The following SLIT3 variants were observed in gnomAD, a reference collection of about 807,000 sequenced individuals.
The protein encoded by SLIT3 is slit guidance ligand 3.
Under a neutral mutation model 184.0 loss-of-function variants are expected in SLIT3, and 68 were observed. The observed-to-expected ratio is 0.37, with a 90% CI of 0.30 to 0.45. The LOEUF (loss-of-function observed/expected upper bound fraction) is 0.45, where lower values mean the gene tolerates loss of function less well. Among genes scored for constraint, SLIT3 ranks in the 20% least tolerant of loss-of-function variants. The probability of loss-of-function intolerance (pLI) is 1.00; values close to 1 mark genes in which losing one functional copy is unlikely to be tolerated. For missense variants in SLIT3, 1,707 were observed against 2,026.0 expected, an observed-to-expected ratio of 0.84 and a Z score of 3.02; for synonymous variants, 831 against 828.6, an observed-to-expected ratio of 1.00 and a Z score of -0.05.
At chr5:169,224,629 A>T (rs926385076) in intron 3 of SLIT3, among the ~76,000 whole-genome samples, 1 of 152,070 alleles carries the variant, frequency 6.6e-6, no homozygotes, top group Non-Finnish European at 1.5e-5. Context: ...CAGCCTCCCA[A>T]AGTGTTGGGA....
chr5:168,685,573 G>A, intron 31 of SLIT3, 114 bp downstream of exon 31: 1 of 1,350,110 alleles, frequency 7.4e-7, no homozygotes, highest in South Asian at 1.5e-5. Flanking sequence ...CAAGCTGAGT[G>A]TTGTCCCTGA....
chr5:168,779,365 A>G (rs1456743974), intron 12 of SLIT3, among the ~76,000 whole-genome samples: 1 of 152,218 alleles, frequency 6.6e-6, no homozygotes, highest in Non-Finnish European at 1.5e-5. Context: ...GGGTGATTTT[A>G]CAATAAGGCA....
chr5:168,798,237 T>TTTC lies in SLIT3; in HGVS notation c.936-2660_936-2659insGAA, dbSNP rs1377627624. Reference sequence around the variant, plus strand: ...TTCTTCTTCTTCTTTTTTTTTTTTTTTTAAGAGACAGAGTCTTGCTCTGTC... The same window carrying TTTC: ...TTCTTCTTCTTCTTTTTTTTTTTTTTTTCTTAAGAGACAGAGTCTTGCTCTGTC... On this transcript the variant is annotated intron_variant, in intron 9 of 35. Transcript: ENST00000519560. 1.2e-4 allele frequency among the ~76,000 whole-genome samples: 18 copies of TTTC among 147,516 alleles called. No individual in the cohort carries two copies. The East Asian group carries it at 2.8e-3, about 23-fold the overall frequency.
intron 5 of SLIT3, among the ~76,000 whole-genome samples, chr5:168,851,939 A>G (rs1286322386): frequency 6.6e-6 from 1 of 152,182 alleles, no homozygotes; most frequent in Non-Finnish European, 1.5e-5. Flanking sequence ...CTCTTTGCAA[A>G]CAAGCCCATG....
chr5:168,994,974 T>C (rs955958801), intron 4 of SLIT3, among the ~76,000 whole-genome samples: 4 of 152,172 alleles, frequency 2.6e-5, no homozygotes, highest in Admixed American at 6.5e-5. Context: ...TTGTCTCCTA[T>C]AATGCTTACA....
intron 4 of SLIT3, among the ~76,000 whole-genome samples, chr5:168,936,548 G>A (rs910427548): frequency 2.0e-5 from 3 of 152,144 alleles, no homozygotes; most frequent in African/African-American, 7.2e-5. Flanking sequence ...TCCTCTTAGA[G>A]CAAGCGGCCA....
intron 10 of SLIT3, among the ~76,000 whole-genome samples, chr5:168,793,589 G>A (rs1340205753): frequency 6.6e-6 from 1 of 152,184 alleles, no homozygotes; most frequent in East Asian, 1.9e-4. Flanking sequence ...AAGGTCTTAT[G>A]AATTTTGAAT....
At chr5:168,795,423 C>T in intron 10 of SLIT3, 84 bp downstream of exon 10, 1 of 999,120 alleles carries the variant, frequency 1.0e-6, no homozygotes, top group East Asian at 2.4e-5. Flanking sequence ...TGGTCCGTCA[C>T]CTGGACAGGT....
At chr5:169,057,457 G>A (rs908038531) in intron 4 of SLIT3, among the ~76,000 whole-genome samples, 1 of 152,232 alleles carries the variant, frequency 6.6e-6, no homozygotes, top group African/African-American at 2.4e-5. Context: ...GGTATGGTGA[G>A]GTTAAGCAGA....
intron 1 of SLIT3, among the ~76,000 whole-genome samples, chr5:169,291,730 T>C (rs1407530289): frequency 6.6e-6 from 1 of 152,190 alleles, no homozygotes; most frequent in Non-Finnish European, 1.5e-5. Context: ...TACTTGAGAA[T>C]AGAGTTTAGA....
intron 4 of SLIT3, among the ~76,000 whole-genome samples, chr5:169,170,998 T>C (rs1762800424): frequency 6.6e-6 from 1 of 152,172 alleles, no homozygotes; most frequent in Non-Finnish European, 1.5e-5. Flanking sequence ...AGAGGGAACA[T>C]CTTGGTTAAT....
intron 35 of SLIT3, 132 bp from the exon 36 acceptor site, chr5:168,666,821 C>T: frequency 7.1e-7 from 1 of 1,410,338 alleles, no homozygotes; most frequent in Non-Finnish European, 9.7e-7. Context: ...ATCCATCTGC[C>T]TACCCTCCCC....
At chr5:168,758,439 C>T (rs1226433885) in intron 16 of SLIT3, among the ~76,000 whole-genome samples, 2 of 152,204 alleles carry the variant, frequency 1.3e-5, no homozygotes, top group Non-Finnish European at 2.9e-5. Context: ...GCCCACAGGC[C>T]TGTAAGTTTC....
chr5:168,979,887 G>A (rs916836353), intron 4 of SLIT3, among the ~76,000 whole-genome samples: 9 of 152,168 alleles, frequency 5.9e-5, no homozygotes, highest in Non-Finnish European at 2.9e-5. Context: ...AAAGGGAGGT[G>A]CATGTAGTTT....
chr5:169,217,662 T>C (rs1159603556), intron 3 of SLIT3, among the ~76,000 whole-genome samples: 2 of 152,204 alleles, frequency 1.3e-5, no homozygotes, highest in African/African-American at 4.8e-5. Context: ...CACCAGTGTC[T>C]GCTGCAGTAG....
chr5:169,228,403 AAATTACTGGGTGACAAGG>A (rs1477997669), intron 3 of SLIT3, among the ~76,000 whole-genome samples: 6 of 152,178 alleles, frequency 3.9e-5, no homozygotes, highest in Admixed American at 3.9e-4. Context: ...CCAGAAAATG[AAATTACTGGGTGACAAGG>A]AGTGACGACT....
At chr5:168,937,704 T>C (rs769161833) in intron 4 of SLIT3, among the ~76,000 whole-genome samples, 5 of 152,146 alleles carry the variant, frequency 3.3e-5, no homozygotes, top group Non-Finnish European at 7.4e-5. Context: ...ACTGATTCGC[T>C]GCATGACTTC....
intron 4 of SLIT3, among the ~76,000 whole-genome samples, chr5:169,154,074 G>A (rs1762215635): frequency 1.3e-5 from 2 of 150,538 alleles, no homozygotes; most frequent in Non-Finnish European, 2.9e-5. Context: ...CTGGGTTCAC[G>A]CCATTCTCCT....
intron 4 of SLIT3, among the ~76,000 whole-genome samples, chr5:169,133,227 C>T (rs545773784): frequency 2.6e-5 from 4 of 152,334 alleles, no homozygotes; most frequent in Admixed American, 2.6e-4. Flanking sequence ...ATCCCTCAAG[C>T]CCATTATCTC....
Sources: gnomAD v4.1 joint callset for allele counts (sites outside exome capture counted in the v4.1 genomes callset) on GRCh38, gnomAD v4.1.1 for gene constraint, MANE v1.5 for transcripts, NCBI Gene and HGNC (gene_info 2026-07-23, HGNC 2026-07-21) for gene names.